Variants in EPHA6 observed in about 807,000 individuals in gnomAD.
The protein encoded by EPHA6 is ephrin type-A receptor 6.
A neutral mutation model predicts 112.0 loss-of-function variants in EPHA6; 50 were observed. The observed-to-expected ratio is 0.45, with a 90% confidence interval of 0.36 to 0.56. The LOEUF (loss-of-function observed/expected upper bound fraction) is 0.56, where lower values mean the gene tolerates loss of function less well. EPHA6 is among the 20% of genes least tolerant of loss of function. EPHA6 has a pLI of 0.00. For synonymous variants in EPHA6, 529 were observed against 490.7 expected (o/e 1.08, Z -1.03); for missense variants, 1,280 against 1,417.4 (o/e 0.90, Z 1.56).
chr3:97,187,486 C>T (rs1340298012), intron 3 of EPHA6, among the ~76,000 whole-genome samples: 7 of 150,944 alleles, frequency 4.6e-5, no homozygotes, highest in African/African-American at 1.7e-4. Context: ...AGGAGAATTG[C>T]TTGAGCCCAG....
chr3:97,468,403 G>C (rs561632834), intron 7 of EPHA6, among the ~76,000 whole-genome samples: 16 of 150,196 alleles, frequency 1.1e-4, no homozygotes, highest in Non-Finnish European at 2.2e-4. Flanking sequence ...GCCTAGGCAG[G>C]GATATTTAGG....
chr3:97,449,029 T>A lies in EPHA6; in HGVS notation c.1894+299T>A, dbSNP rs114522856. Among the ~76,000 whole-genome samples, 1,254 of 152,260 alleles carry A rather than the reference T, an allele frequency of 8.2e-3. 13 individuals carry two copies. The highest frequency in any genetic ancestry group is 0.027 in the African/African-American group (1,115 of 41,544). On this transcript the variant is annotated intron_variant, in intron 7 of 17. Transcript: ENST00000389672. ...TCCTGGCATCATGATATGATCCTAA[T>A]GAAAACTTGGGAGAGAATAAAGCCG...
rs115901214 is a variant in EPHA6 at position 97,165,267 on chromosome 3, C to T, written c.1115-60997C>T. Among the ~76,000 whole-genome samples the T allele has an allele frequency of 6.3e-3, 957 of 152,214 alleles. 7 individuals carry two copies. Among genetic ancestry groups the T allele is most frequent in the African/African-American group, 0.022 (915 of 41,540 alleles). On this transcript the variant is annotated intron_variant, in intron 3 of 17. Transcript: ENST00000389672. ...ATTACCTCAAATGTCTTCTCACTCT[C>T]CAACAAAATGCAACCTTTCTATTCT...
intron 5 of EPHA6, among the ~76,000 whole-genome samples, chr3:97,343,524 T>G (rs1017954396): frequency 6.6e-6 from 1 of 152,086 alleles, no homozygotes; most frequent in African/African-American, 2.4e-5. Flanking sequence ...GAGAGTATAT[T>G]CAGAAGAGAA....
chr3:97,425,234 G>T (rs1244884042), intron 6 of EPHA6, among the ~76,000 whole-genome samples: 2 of 152,236 alleles, frequency 1.3e-5, no homozygotes, highest in Non-Finnish European at 2.9e-5. Context: ...GGGACTCTGT[G>T]TGGGGGCTCC....
chr3:97,326,019 T>A (rs951554503), intron 5 of EPHA6, among the ~76,000 whole-genome samples: 3 of 131,904 alleles, frequency 2.3e-5, no homozygotes, highest in Non-Finnish European at 4.4e-5. Flanking sequence ...AGTAGTTTGA[T>A]AGAAGTGTAT....
intron 10 of EPHA6, among the ~76,000 whole-genome samples, chr3:97,525,021 G>T (rs938065232): frequency 1.3e-5 from 2 of 152,088 alleles, no homozygotes; most frequent in Non-Finnish European, 2.9e-5. Flanking sequence ...TGAGGTTCCT[G>T]AATCTGTATG....
intron 3 of EPHA6, among the ~76,000 whole-genome samples, chr3:97,010,715 C>T (rs986352684): frequency 5.9e-5 from 9 of 151,946 alleles, no homozygotes; most frequent in South Asian, 2.1e-4. Flanking sequence ...GGCTGGAGTG[C>T]GGTAGCGATC....
chr3:96,832,926 T>A (rs1202728885), intron 1 of EPHA6, among the ~76,000 whole-genome samples: 1 of 151,962 alleles, frequency 6.6e-6, no homozygotes, highest in Non-Finnish European at 1.5e-5. Flanking sequence ...AGTATATTTA[T>A]GTAATCCTCA....
chr3:97,174,812 G>A (rs1259158083), intron 3 of EPHA6, among the ~76,000 whole-genome samples: 1 of 151,716 alleles, frequency 6.6e-6, no homozygotes, highest in African/African-American at 2.4e-5. Flanking sequence ...TTGTCAGATA[G>A]GTAGTTTGCA....
intron 14 of EPHA6, among the ~76,000 whole-genome samples, chr3:97,660,271 G>A (rs1366240940): frequency 1.3e-5 from 2 of 151,916 alleles, no homozygotes; most frequent in African/African-American, 4.8e-5. Flanking sequence ...CAATTTGTGA[G>A]ATTAATCTAG....
intron 16 of EPHA6, among the ~76,000 whole-genome samples, chr3:97,737,469 CGT>C (rs978854439): frequency 6.6e-6 from 1 of 151,748 alleles, no homozygotes; most frequent in Non-Finnish European, 1.5e-5. Context: ...GTAATAATAA[CGT>C]TTATTATTAG....
At chr3:96,950,114 A>C (rs1360998929) in intron 2 of EPHA6, among the ~76,000 whole-genome samples, 1 of 152,162 alleles carries the variant, frequency 6.6e-6, no homozygotes, top group Non-Finnish European at 1.5e-5. Context: ...AGCAGACATT[A>C]AAGGATCTTG....
chr3:96,833,663 G>T (rs959929896), intron 1 of EPHA6, among the ~76,000 whole-genome samples: 1 of 151,966 alleles, frequency 6.6e-6, no homozygotes, highest in Admixed American at 6.6e-5. Context: ...ACCAGAGTAA[G>T]AGAGCTAATA....
At chr3:97,576,355 G>A (rs568519872) in intron 11 of EPHA6, among the ~76,000 whole-genome samples, 6 of 152,214 alleles carry the variant, frequency 3.9e-5, no homozygotes, top group Admixed American at 1.3e-4. Flanking sequence ...CATCGTGAAA[G>A]AAAGGGTTTA....
intron 3 of EPHA6, among the ~76,000 whole-genome samples, chr3:97,057,940 G>C (rs1373282187): frequency 1.3e-5 from 2 of 151,838 alleles, no homozygotes; most frequent in Non-Finnish European, 2.9e-5. Flanking sequence ...TTCTGTTCTT[G>C]GGCCTATTAT....
In EPHA6 at chr3:97,592,704, G is replaced by T. The variant is rs2093556362; in HGVS notation, c.2479G>T (p.Gly827Trp). 6.2e-7 allele frequency: 1 copy of T among 1,604,802 alleles called. No individual in the cohort carries two copies. Among genetic ancestry groups the T allele is most frequent in the South Asian group, 1.1e-5 (1 of 89,074 alleles). The change falls in exon 12 of 18, where the codon GGG becomes TGG. Residue 827 changes from glycine (G) to tryptophan (W), a missense_variant. Around this residue, in one of 4 missense-constraint regions of EPHA6, gnomAD observed 878 missense variants for 999.7 expected, o/e 0.88. Transcript: ENST00000389672. ...CATCCAGGCCCCGCATCCAGTGCCA[G>T]GGGGAGGATCTTTGCCCCCCAGGAT... ...NSIQAPHPVP[G>W]GGSLPPRIPA...
chr3:96,952,577 T>C (rs9878771), intron 2 of EPHA6, among the ~76,000 whole-genome samples: 18,386 of 152,174 alleles, frequency 0.12, 2,068 homozygotes, highest in African/African-American at 0.25. Context: ...GCTCCAAAAT[T>C]GTGAGCAAAA....
At chr3:97,224,323 G>A (rs1024035089) in intron 3 of EPHA6, among the ~76,000 whole-genome samples, 1 of 152,138 alleles carries the variant, frequency 6.6e-6, no homozygotes, top group Non-Finnish European at 1.5e-5. Flanking sequence ...CTGTTCTCAA[G>A]AACAGTTCGA....
Sources: gnomAD v4.1 joint callset for allele counts (sites outside exome capture counted in the v4.1 genomes callset) on GRCh38, gnomAD v4.1.1 for gene constraint, gnomAD v4.1.1 regional missense constraint, MANE v1.5 for transcripts, NCBI Gene and HGNC (gene_info 2026-07-23, HGNC 2026-07-21) for gene names.